Variants in CCDC198 observed in about 807,000 individuals in gnomAD.
CCDC198 encodes the protein factor associated with metabolism and energy.
Under a neutral mutation model 35.6 loss-of-function variants are expected in CCDC198, and 18 were observed. The observed-to-expected ratio is 0.51, with a 90% CI of 0.35 to 0.75. The LOEUF is 0.75. Ranked by LOEUF, CCDC198 falls within the 30% of genes least tolerant of loss-of-function variation. CCDC198 has a pLI of 0.01. For synonymous variants in CCDC198, 119 were observed against 113.4 expected (o/e 1.05, Z -0.31); for missense variants, 365 against 343.7 (o/e 1.06, Z -0.49).
At chr14:57,484,490 T>C (rs2139525063) in intron 2 of CCDC198, among the ~76,000 whole-genome samples, 1 of 152,280 alleles carries the variant, frequency 6.6e-6, no homozygotes, top group South Asian at 2.1e-4. Flanking sequence ...GATCTCAGTC[T>C]TCTAGCAAAC....
Position 57,470,290 on chromosome 14 carries a change from C to T in CCDC198, c.*1065G>A. The T allele has an allele frequency of 6.6e-6, 1 of 152,106 alleles. No homozygotes were observed. The highest frequency in any genetic ancestry group is 2.1e-4 in the South Asian group (1 of 4,828). 9.4% of individuals were successfully genotyped at this position (152,106 alleles called of 1,614,324 possible). A position where few individuals can be genotyped will look rare whatever the true frequency, so the allele number is the denominator to read the frequency against. ...ACTGTGAATTTCCTTTAGAAACTCA[C>T]TTTTATTTGTCTCCAGTCTACTTTT... On this transcript the variant is annotated 3_prime_UTR_variant, in exon 6 of 6. Transcript: ENST00000216445.
At chr14:57,473,009 T>C (rs1267266828) in intron 5 of CCDC198, among the ~76,000 whole-genome samples, 2 of 152,222 alleles carry the variant, frequency 1.3e-5, no homozygotes, top group Non-Finnish European at 2.9e-5. Context: ...TTGTGTATTA[T>C]TATATAAGAA....
chr14:57,490,617 A>T (rs1248182821), intron 2 of CCDC198, among the ~76,000 whole-genome samples: 1 of 152,208 alleles, frequency 6.6e-6, no homozygotes, highest in African/African-American at 2.4e-5. Flanking sequence ...TGAATGACAT[A>T]GATTGAATTG....
intron 5 of CCDC198, among the ~76,000 whole-genome samples, chr14:57,476,934 C>T (rs750027186): frequency 6.6e-6 from 1 of 152,220 alleles, no homozygotes; most frequent in Non-Finnish European, 1.5e-5. Context: ...GGAATCATCG[C>T]TAGGACAAAT....
chr14:57,481,756 A>T, intron 3 of CCDC198, 96 bp from the exon 4 acceptor site: 2 of 768,106 alleles, frequency 2.6e-6, no homozygotes, highest in Admixed American at 4.3e-5. Context: ...TCAGATCTTA[A>T]TCAGTCATAA....
At position 57,483,112 on chromosome 14, in the gene CCDC198, C is replaced by T. The variant is rs2067242452; in HGVS notation, c.346G>A (p.Gly116Arg). The T allele has an allele frequency of 2.5e-6, 4 of 1,613,972 alleles. No homozygotes were observed. The highest frequency in any genetic ancestry group is 2.7e-5 in the African/African-American group (2 of 74,904). ...PIDLPRVITS[G>R]RLLSQREART... The stretch of plus-strand genomic sequence containing the variant: ...GCTTCTCGCTGGCTCAGGAGTCTTC[C>T]TGAAGTAATTACTCGTGGCAAGTCA... Residue 116 changes from glycine to arginine, a missense_variant, in exon 3 of 6, where the codon GGA becomes AGA. Gly to Arg is a moderately radical substitution (Grantham distance 125). Transcript: ENST00000216445.
At chr14:57,488,785 A>G (rs1467204352) in intron 2 of CCDC198, among the ~76,000 whole-genome samples, 1 of 152,302 alleles carries the variant, frequency 6.6e-6, no homozygotes, top group East Asian at 1.9e-4. Flanking sequence ...GCTCAACATC[A>G]CTGATCATTA....
rs919841689 is a variant in CCDC198, at chr14:57,475,238, G to A, written c.656-3648C>T. 8 of 591,194 alleles carry A rather than the reference G, an allele frequency of 1.4e-5. No individual in the cohort carries two copies. In the South Asian group the frequency reaches 5.9e-4, roughly 44 times the overall value. The allele number at this position is 591,194 out of a possible 1,614,324, so 36.6% of individuals were successfully genotyped here. ...ATTGTGCCACTGCACTCCAGCCTGG[G>A]CGACAGAGTGAGACTCCATCTCAAA... On this transcript the variant is annotated intron_variant, in intron 5 of 5. Transcript: ENST00000216445.
chr14:57,480,795 G>T (rs1470300625), intron 4 of CCDC198, 41 bp from the exon 5 acceptor site: 1 of 1,606,670 alleles, frequency 6.2e-7, no homozygotes, highest in East Asian at 2.2e-5. Flanking sequence ...TTCTTCCCAA[G>T]CTACTTTCAC....
chr14:57,478,820 A>T (rs1001894837), intron 5 of CCDC198: 9 of 1,125,504 alleles, frequency 8.0e-6, no homozygotes, highest in Non-Finnish European at 9.9e-6. Flanking sequence ...TAACTTATTG[A>T]TCGAGCGTCT....
intron 2 of CCDC198, among the ~76,000 whole-genome samples, chr14:57,487,268 A>G (rs1336017546): frequency 6.6e-6 from 1 of 152,182 alleles, no homozygotes; most frequent in Non-Finnish European, 1.5e-5. Context: ...CTTCTCAAAC[A>G]AAACAAATGA....
intron 5 of CCDC198, chr14:57,475,312 A>C (rs1156686026): frequency 1.1e-6 from 1 of 885,972 alleles, no homozygotes; most frequent in Non-Finnish European, 1.4e-6. Flanking sequence ...TCTATAAAAA[A>C]ATAAAATAAA....
At chr14:57,481,428 A>AACCTTCAACCTCC (rs1594797639) in intron 4 of CCDC198, 131 bp downstream of exon 4, 1 of 624,332 alleles carries the variant, frequency 1.6e-6, no homozygotes, top group Non-Finnish European at 2.8e-6. Context: ...TTAGTAGTTG[A>AACCTTCAACCTCC]ACCTTCAACC....
intron 2 of CCDC198, chr14:57,483,383 G>A (rs1237264819): frequency 9.6e-6 from 5 of 523,212 alleles, no homozygotes; most frequent in Non-Finnish European, 1.7e-5. Flanking sequence ...ATTGATCTAA[G>A]TGTTGGTCAG....
At chr14:57,482,998 C>T in intron 3 of CCDC198, 67 bp downstream of exon 3, 1 of 1,608,642 alleles carries the variant, frequency 6.2e-7, no homozygotes, top group Non-Finnish European at 8.5e-7. Flanking sequence ...CCAGTGTGCT[C>T]CAGTGCCCCA....
In CCDC198 at chr14:57,491,059, A is replaced by C; in HGVS notation, c.236T>G (p.Met79Arg). 6.2e-7 allele frequency: 1 copy of C among 1,610,906 alleles called. No individual in the cohort carries two copies. The highest frequency in any genetic ancestry group is 8.5e-7 in the Non-Finnish European group (1 of 1,178,034). Residue 79 changes from methionine to arginine, a missense_variant, in exon 2 of 6, where the codon ATG becomes AGG. Physicochemically the swap from Met to Arg is moderately conservative, Grantham distance 91. Transcript: ENST00000216445. Reference sequence around the variant, plus strand: ...GTGTTCCAGTGGGATGTCAAAATACATGTCTCTGGATGCTTGAAGGATTGG... The same window carrying C: ...GTGTTCCAGTGGGATGTCAAAATACCTGTCTCTGGATGCTTGAAGGATTGG... Reference protein sequence around the residue: ...YGRYSTASRDMYFDIPLEHRE... With the variant: ...YGRYSTASRDRYFDIPLEHRE...
chr14:57,476,118 T>C (rs1369537510), intron 5 of CCDC198, among the ~76,000 whole-genome samples: 1 of 152,178 alleles, frequency 6.6e-6, no homozygotes, highest in Non-Finnish European at 1.5e-5. Flanking sequence ...GGCCACACTT[T>C]ACATTTTATG....
intron 5 of CCDC198, among the ~76,000 whole-genome samples, chr14:57,479,936 G>A (rs774036032): frequency 2.6e-5 from 4 of 152,116 alleles, no homozygotes; most frequent in Non-Finnish European, 5.9e-5. Context: ...TGGAGCCCTG[G>A]TGTAACAGGA....
Position 57,471,260 on chromosome 14 carries a change from G to C in CCDC198, c.*95C>G. The C allele has an allele frequency of 1.2e-6, 1 of 835,554 alleles. No homozygotes were observed. Among genetic ancestry groups the C allele is most frequent in the Non-Finnish European group, 1.9e-6 (1 of 530,226 alleles). The allele number at this position is 835,554 out of a possible 1,614,324, so 51.8% of individuals were successfully genotyped here. ...TCATTTCTTTTTACCAAAGTGATTTGCTGTCCTCAAAGTAATTCATATATC... is the reference window on the plus strand; with the variant it reads ...TCATTTCTTTTTACCAAAGTGATTTCCTGTCCTCAAAGTAATTCATATATC... On this transcript the variant is annotated 3_prime_UTR_variant, in exon 6 of 6. Transcript: ENST00000216445.
Sources: allele counts gnomAD v4.1 joint callset (sites outside exome capture counted in the v4.1 genomes callset), GRCh38; gene constraint gnomAD v4.1.1; transcripts MANE v1.5; gene names NCBI Gene and HGNC (gene_info 2026-07-23, HGNC 2026-07-21).